SVIP: variants seen among roughly 807,000 people sequenced by gnomAD.
SVIP encodes the protein small VCP/p97-interacting protein.
Under a neutral mutation model 12.9 loss-of-function variants are expected in SVIP, and 14 were observed. The observed-to-expected ratio is 1.08, with a 90% CI of 0.72 to 1.70. The LOEUF (loss-of-function observed/expected upper bound fraction) is 1.70, where lower values mean the gene tolerates loss of function less well. Among genes scored for constraint, SVIP ranks in the 40% most tolerant of loss-of-function variants. The probability of loss-of-function intolerance (pLI) is 0.00; values close to 1 mark genes in which losing one functional copy is unlikely to be tolerated. For missense variants in SVIP, 93 were observed against 90.8 expected (o/e 1.02, Z -0.10); for synonymous variants, 35 against 33.3 (o/e 1.05, Z -0.17).
intron 2 of SVIP, 29 bp from the exon 3 acceptor site, chr11:22,827,349 A>G: frequency 6.4e-7 from 1 of 1,561,734 alleles, no homozygotes; most frequent in South Asian, 1.2e-5. Flanking sequence ...GAAAAACAGA[A>G]AGACAACAAA....
rs532992974 is a variant in SVIP at position 22,821,072 on chromosome 11, CATAT to C, written c.*2043_*2046del. 1.2e-4 allele frequency: 18 copies of C among 147,850 alleles called. No individual in the cohort carries two copies. The East Asian group carries it at 2.8e-3, about 23-fold the overall frequency. 9.2% of individuals were successfully genotyped at this position (147,850 alleles called of 1,614,324 possible). On this transcript the variant is annotated 3_prime_UTR_variant, in exon 4 of 4. Transcript: ENST00000354193. ...ATGTGTGTGTGTGTATATACACACA[CATAT>C]ATAAATTAGAATTTGCAGATATTAT... is the stretch of plus-strand genomic sequence containing the variant.
In SVIP at chr11:22,829,786, C is replaced by A. The variant is rs551379533; in HGVS notation, c.-38G>T. ...TTGAGAACCCTGACCGGGTCCGGCC[C>A]AGGCCAGGCGGCGCTAACTGCGCGG... On this transcript the variant is annotated 5_prime_UTR_variant, in exon 1 of 4. Coordinates refer to ENST00000354193, the MANE Select transcript of SVIP (RefSeq NM_148893.3). 2.9e-5 allele frequency: 45 copies of A among 1,575,342 alleles called. No homozygotes were observed. In the East Asian group the frequency reaches 9.3e-4, roughly 33 times the overall value.
intron 2 of SVIP, 52 bp from the exon 3 acceptor site, chr11:22,827,372 G>A (rs1857754318): frequency 5.5e-6 from 8 of 1,442,316 alleles, no homozygotes; most frequent in Non-Finnish European, 7.6e-6. Context: ...TCTGTCCAGT[G>A]TGCAAAACAT....
In SVIP at chr11:22,819,698, G is replaced by C. The variant is rs1242435138; in HGVS notation, c.*3421C>G. On this transcript the variant is annotated 3_prime_UTR_variant, in exon 4 of 4. Transcript: ENST00000354193. ...GAGGCAGGAGAATCACTTGAACCTG[G>C]GAGGCAGAGGTTGCGGTGAGCTGAG... is the stretch of plus-strand genomic sequence containing the variant. 1 of 152,340 alleles carries C rather than the reference G, an allele frequency of 6.6e-6. No homozygotes were observed. Among genetic ancestry groups the C allele is most frequent in the Non-Finnish European group, 1.5e-5 (1 of 68,168 alleles). The allele number at this position is 152,340 out of a possible 1,614,324, so 9.4% of individuals were successfully genotyped here. A position where few individuals can be genotyped will look rare whatever the true frequency, so the allele number is the denominator to read the frequency against.
chr11:22,829,524 G>T (rs997748645), intron 1 of SVIP, 171 bp downstream of exon 1: 9 of 588,250 alleles, frequency 1.5e-5, no homozygotes, highest in African/African-American at 9.8e-5. Context: ...GGCCTAGGTC[G>T]CTCTGACAGG....
intron 3 of SVIP, among the ~76,000 whole-genome samples, chr11:22,825,264 T>A (rs557481307): frequency 6.6e-6 from 1 of 152,058 alleles, no homozygotes; most frequent in East Asian, 1.9e-4. Context: ...GGCCAAGCGT[T>A]TTGAGGGTTA....
intron 1 of SVIP, 84 bp from the exon 2 acceptor site, chr11:22,827,958 A>G: frequency 9.0e-7 from 1 of 1,108,660 alleles, no homozygotes; most frequent in Non-Finnish European, 1.2e-6. Context: ...AGGCACTATA[A>G]CAATTTACAA....
chr11:22,828,643 T>C (rs1016524806), intron 1 of SVIP, among the ~76,000 whole-genome samples: 1 of 151,944 alleles, frequency 6.6e-6, no homozygotes, highest in Admixed American at 6.6e-5. Context: ...GAAGAGGGTA[T>C]AGTATGAGGA....
chr11:22,822,864 T>C lies in SVIP; in HGVS notation c.*255A>G. The C allele has an allele frequency of 2.3e-6, 1 of 435,736 alleles. No homozygotes were observed. Among genetic ancestry groups the C allele is most frequent in the Non-Finnish European group, 4.1e-6 (1 of 244,120 alleles). The allele number at this position is 435,736 out of a possible 1,614,324, so 27.0% of individuals were successfully genotyped here. A position where few individuals can be genotyped will look rare whatever the true frequency, so the allele number is the denominator to read the frequency against. On this transcript the variant is annotated 3_prime_UTR_variant, in exon 4 of 4. Coordinates refer to ENST00000354193, the MANE Select transcript of SVIP (RefSeq NM_148893.3). Reference sequence around the variant, plus strand: ...TATATTCACTATTTAGTTCCATTTTTTAACTACTAAGAAAAATAGCAAATC... The same window carrying C: ...TATATTCACTATTTAGTTCCATTTTCTAACTACTAAGAAAAATAGCAAATC...
At chr11:22,826,765 A>G (rs1019408269) in intron 3 of SVIP, among the ~76,000 whole-genome samples, 2 of 152,176 alleles carry the variant, frequency 1.3e-5, no homozygotes, top group African/African-American at 4.8e-5. Flanking sequence ...GAAAGATCAA[A>G]GATTCCAAAT....
At chr11:22,829,560 A>C (rs994305051) in intron 1 of SVIP, 135 bp downstream of exon 1, 1 of 875,828 alleles carries the variant, frequency 1.1e-6, no homozygotes, top group Non-Finnish European at 1.7e-6. Flanking sequence ...TGACGCGTCC[A>C]CCCGTCCTCG....
At chr11:22,824,486 G>GTA (rs201031029) in intron 3 of SVIP, among the ~76,000 whole-genome samples, 30 of 131,110 alleles carry the variant, frequency 2.3e-4, no homozygotes, top group Admixed American at 1.2e-3. Context: ...ATATATATAT[G>GTA]TATATATATA....
Position 22,821,219 on chromosome 11 carries a change from C to G in SVIP, c.*1900G>C, listed in dbSNP as rs1296295573. 1 of 150,246 alleles carries G rather than the reference C, an allele frequency of 6.7e-6. No individual in the cohort carries two copies. 9.3% of individuals were successfully genotyped at this position (150,246 alleles called of 1,614,324 possible). ...ATTTACCGGTTTCTCATAAGACATCCAGTCACTTCTTTTCCCTTGCCCTTT... is the reference window on the plus strand; with the variant it reads ...ATTTACCGGTTTCTCATAAGACATCGAGTCACTTCTTTTCCCTTGCCCTTT... On this transcript the variant is annotated 3_prime_UTR_variant, in exon 4 of 4. Transcript: ENST00000354193.
Position 22,829,612 on chromosome 11 carries a change from G to A in SVIP, c.54+83C>T, listed in dbSNP as rs1161052320. 8.4e-6 allele frequency: 12 copies of A among 1,426,384 alleles called. No homozygotes were observed. In the Admixed American group the frequency reaches 1.4e-4, roughly 17 times the overall value. 88.4% of individuals were successfully genotyped at this position (1,426,384 alleles called of 1,614,324 possible). A position where few individuals can be genotyped will look rare whatever the true frequency, so the allele number is the denominator to read the frequency against. On this transcript the variant is annotated intron_variant, in intron 1 of 3. Coordinates refer to ENST00000354193, the MANE Select transcript of SVIP (RefSeq NM_148893.3). ...GCGGGCTCTCGACCTGCGCCACCAG[G>A]TACAATGGCTCGGCCCGCCCCGCAA...
intron 3 of SVIP, among the ~76,000 whole-genome samples, chr11:22,825,011 G>C (rs1857643582): frequency 6.6e-6 from 1 of 152,126 alleles, no homozygotes; most frequent in Non-Finnish European, 1.5e-5. Context: ...CTTCAGGTAA[G>C]AAGTCAGAAG....
intron 3 of SVIP, among the ~76,000 whole-genome samples, chr11:22,823,881 C>T (rs1246173107): frequency 1.3e-5 from 2 of 152,098 alleles, no homozygotes; most frequent in African/African-American, 4.8e-5. Context: ...CATGCCACCA[C>T]ACCTAATTTA....
chr11:22,824,835 G>A (rs993510378), intron 3 of SVIP, among the ~76,000 whole-genome samples: 1 of 152,106 alleles, frequency 6.6e-6, no homozygotes, highest in Non-Finnish European at 1.5e-5. Context: ...AGACTGACTG[G>A]TGTGAGGTGG....
At chr11:22,823,217 A>T (rs1235111032) in intron 3 of SVIP, 84 bp from the exon 4 acceptor site, 1 of 967,374 alleles carries the variant, frequency 1.0e-6, no homozygotes, top group African/African-American at 1.7e-5. Flanking sequence ...AGGTAAAAAG[A>T]GGAATATGGG....
Position 22,822,029 on chromosome 11 carries a change from G to C in SVIP, c.*1090C>G, listed in dbSNP as rs1402217032. 2 of 152,130 alleles carry C rather than the reference G, an allele frequency of 1.3e-5. No individual in the cohort carries two copies. The highest frequency in any genetic ancestry group is 1.3e-4 in the Admixed American group (2 of 15,276). 9.4% of individuals were successfully genotyped at this position (152,130 alleles called of 1,614,324 possible). A position where few individuals can be genotyped will look rare whatever the true frequency, so the allele number is the denominator to read the frequency against. On this transcript the variant is annotated 3_prime_UTR_variant, in exon 4 of 4. Transcript: ENST00000354193. ...AATTTAGGGCTCAACATGTGGCCTT[G>C]CCATTTAAAAGAGCTATCAGCCTTA...
Sources: gnomAD v4.1 joint callset for allele counts (sites outside exome capture counted in the v4.1 genomes callset) on GRCh38, gnomAD v4.1.1 for gene constraint, MANE v1.5 for transcripts, NCBI Gene and HGNC (gene_info 2026-07-23, HGNC 2026-07-21) for gene names.